Variants in GARS1 observed in about 807,000 individuals in gnomAD.
GARS1 encodes glycyl-tRNA synthetase 1, also known as glycine--tRNA ligase.
In GARS1, 46 loss-of-function variants were observed where a neutral mutation model predicts 86.4. The ratio of observed to expected loss-of-function variants is 0.53; its 90% CI spans 0.42 to 0.68. The LOEUF is 0.68. Among genes scored for constraint, GARS1 ranks in the 30% least tolerant of loss-of-function variants. The probability of loss-of-function intolerance (pLI) is 0.00; values close to 1 mark genes in which losing one functional copy is unlikely to be tolerated. For synonymous variants in GARS1, 342 were observed against 329.8 expected, an observed-to-expected ratio of 1.04 and a Z score of -0.40; for missense variants, 797 against 915.6, an observed-to-expected ratio of 0.87 and a Z score of 1.67.
At chr7:30,599,715 G>A (rs1347421676) in intron 2 of GARS1, among the ~76,000 whole-genome samples, 2 of 151,984 alleles carry the variant, frequency 1.3e-5, no homozygotes, top group East Asian at 1.9e-4. Flanking sequence ...GCTTAGTCTT[G>A]TAATCTTGGA....
intron 14 of GARS1, 96 bp downstream of exon 14, chr7:30,628,765 A>C (rs763768894): frequency 1.2e-4 from 90 of 758,728 alleles, no homozygotes; most frequent in Non-Finnish European, 1.1e-4. Flanking sequence ...TAGAATGGTC[A>C]ATTAGTTATT....
At chr7:30,598,114 G>A (rs1247075244) in intron 1 of GARS1, among the ~76,000 whole-genome samples, 1 of 151,828 alleles carries the variant, frequency 6.6e-6, no homozygotes, top group Admixed American at 6.6e-5. Flanking sequence ...ATTTTTTTTT[G>A]TAAGCGAGAG....
At chr7:30,612,014 T>C in intron 7 of GARS1, 82 bp from the exon 8 acceptor site, 2 of 1,303,450 alleles carry the variant, frequency 1.5e-6, no homozygotes, top group East Asian at 2.3e-5. Flanking sequence ...TTAGGACTTT[T>C]AGGATTTGTA....
At chr7:30,606,305 CTT>C (rs35302357) in intron 6 of GARS1, among the ~76,000 whole-genome samples, 81 of 127,506 alleles carry the variant, frequency 6.4e-4, no homozygotes, top group African/African-American at 1.9e-3. Context: ...CATTGTTATT[CTT>C]TTTTTTTTTT....
chr7:30,626,266 T>C lies in GARS1; in HGVS notation c.1646T>C (p.Phe549Ser). The stretch of plus-strand genomic sequence containing the variant: ...ACAATTGAAACTGAAGGGAAAACAT[T>C]TCAGTTAACAAAAGACATGATCAAT... The part of the protein sequence containing the change: ...EFTIETEGKT[F>S]QLTKDMINVK... The change falls in exon 13 of 17, where the codon TTT (phenylalanine) becomes TCT (serine). Residue 549 changes from phenylalanine to serine, a missense_variant. Phe to Ser is a radical substitution (Grantham distance 155). Coordinates refer to ENST00000389266, the MANE Select transcript of GARS1 (RefSeq NM_002047.4). 6.2e-7 allele frequency: 1 copy of C among 1,608,636 alleles called. No homozygotes were observed. The highest frequency in any genetic ancestry group is 8.5e-7 in the Non-Finnish European group (1 of 1,175,138).
rs1421520067 is a variant in GARS1 at position 30,600,042 on chromosome 7, T to C, written c.420T>C (p.Ile140=). The stretch of plus-strand genomic sequence containing the variant: ...TTTTCTATGATCAAGCTTTTGCTAT[T>C]TATGGAGGTAAGGGATTAATGACAA... ...RRFFYDQAFA[I]YGGVSGLYDF... The change falls in exon 3 of 17, where the codon ATT becomes ATC. Residue 140 remains isoleucine, a synonymous_variant. Coordinates refer to ENST00000389266, the MANE Select transcript of GARS1 (RefSeq NM_002047.4). The C allele has an allele frequency of 6.2e-7, 1 of 1,608,438 alleles. No individual in the cohort carries two copies. The highest frequency in any genetic ancestry group is 2.2e-5 in the East Asian group (1 of 44,840).
At chr7:30,616,746 G>A (rs572213256) in intron 9 of GARS1, among the ~76,000 whole-genome samples, 8 of 152,240 alleles carry the variant, frequency 5.3e-5, no homozygotes, top group African/African-American at 1.4e-4. Context: ...TCCCCTCAAC[G>A]TGTCATTACT....
rs745484970 is a variant in GARS1 at position 30,600,081 on chromosome 7, G to C, written c.427+32G>C. ...GATTAATGACAAAAAGAACTATTGT[G>C]TTGTTAGTGGCTCTAATATTATACT... On this transcript the variant is annotated intron_variant, in intron 3 of 16. Transcript: ENST00000389266. 3 of 1,421,802 alleles carry C rather than the reference G, an allele frequency of 2.1e-6. No homozygotes were observed. The African/African-American group carries it at 4.2e-5, about 20-fold the overall frequency. 88.1% of individuals were successfully genotyped at this position (1,421,802 alleles called of 1,614,324 possible). A position where few individuals can be genotyped will look rare whatever the true frequency, so the allele number is the denominator to read the frequency against.
chr7:30,607,781 C>G (rs1035489958), intron 6 of GARS1, among the ~76,000 whole-genome samples: 15 of 152,274 alleles, frequency 9.9e-5, no homozygotes, highest in African/African-American at 3.6e-4. Context: ...TATATTTAGT[C>G]TACTATCTTT....
intron 3 of GARS1, 63 bp from the exon 4 acceptor site, chr7:30,600,996 T>G (rs1791363367): frequency 5.3e-6 from 8 of 1,504,456 alleles, no homozygotes; most frequent in Non-Finnish European, 2.8e-6. Context: ...TTCTCATGTC[T>G]CCTTGCCTTC....
At chr7:30,600,825 A>G (rs1562771718) in intron 3 of GARS1, among the ~76,000 whole-genome samples, 1 of 152,162 alleles carries the variant, frequency 6.6e-6, no homozygotes, top group African/African-American at 2.4e-5. Context: ...TTTGTTGTAG[A>G]TTTTGGGCTA....
chr7:30,617,303 T>G, intron 10 of GARS1, 25 bp downstream of exon 10: 1 of 1,611,866 alleles, frequency 6.2e-7, no homozygotes, highest in Non-Finnish European at 8.5e-7. Flanking sequence ...GTTTACCATG[T>G]GATTTTCACA....
chr7:30,616,364 G>T (rs1362374839), intron 9 of GARS1, among the ~76,000 whole-genome samples: 1 of 152,184 alleles, frequency 6.6e-6, no homozygotes. Flanking sequence ...CTACTTTGGG[G>T]GAGACAGCAT....
chr7:30,615,981 C>T lies in GARS1; in HGVS notation c.1117C>T (p.Leu373Phe). 1.2e-6 allele frequency: 2 copies of T among 1,614,164 alleles called. No homozygotes were observed. The highest frequency in any genetic ancestry group is 8.5e-7 in the Non-Finnish European group (1 of 1,180,036). The change falls in exon 9 of 17, where the codon CTT becomes TTT. Residue 373 changes from leucine to phenylalanine, a missense_variant. Physicochemically the swap from Leu to Phe is conservative, Grantham distance 22. Transcript: ENST00000389266. Reference sequence around the variant, plus strand: ...GTTCCAGAATGTGGCAGACCTTCACCTTTATTTGTATTCAGCAAAAGCCCA... The same window carrying T: ...GTTCCAGAATGTGGCAGACCTTCACTTTTATTTGTATTCAGCAAAAGCCCA... Reference protein sequence around the residue: ...PKFQNVADLHLYLYSAKAQVS... With the variant: ...PKFQNVADLHFYLYSAKAQVS...
At chr7:30,612,003 T>A (rs1049598604) in intron 7 of GARS1, 93 bp from the exon 8 acceptor site, 1 of 1,171,714 alleles carries the variant, frequency 8.5e-7, no homozygotes, top group Non-Finnish European at 1.3e-6. Flanking sequence ...AAATGGTATA[T>A]TTAGGACTTT....
intron 10 of GARS1, among the ~76,000 whole-genome samples, chr7:30,619,398 T>TA (rs1782952609): frequency 6.6e-6 from 1 of 152,142 alleles, no homozygotes; most frequent in Non-Finnish European, 1.5e-5. Context: ...ATTTTTTTAA[T>TA]AAAAAAATTT....
In GARS1 at chr7:30,632,695, G is replaced by A. The variant is rs570258724; in HGVS notation, c.2094+258G>A. ...TCTCCAGCAGTTTGCTTTTATACTT[G>A]TTTGTTTATTGGGCAAGAGAAATAT... On this transcript the variant is annotated intron_variant, in intron 16 of 16. Transcript: ENST00000389266. The surrounding 1 kb of genome is among the most constrained non-coding windows in gnomAD (Gnocchi z 4.1). Among the ~76,000 whole-genome samples the A allele has an allele frequency of 4.5e-4, 69 of 152,042 alleles. No homozygotes were observed. The highest frequency in any genetic ancestry group is 1.5e-3 in the African/African-American group (61 of 41,394).
intron 12 of GARS1, among the ~76,000 whole-genome samples, chr7:30,625,191 A>G (rs560533811): frequency 6.9e-4 from 105 of 152,224 alleles, no homozygotes; most frequent in African/African-American, 2.5e-3. Flanking sequence ...TGATCCACCT[A>G]CCTTGACCTC....
rs768987322 is a variant in GARS1, at chr7:30,603,111, A to G, written c.647A>G (p.His216Arg). ...AATGGAGAATGTTTTCGTGCTGACC[A>G]TCTATTAAAAGGTGAGGTTCTTCAT... Reference protein sequence around the residue: ...VKNGECFRADHLLKAHLQKLM... With the variant: ...VKNGECFRADRLLKAHLQKLM... The change falls in exon 5 of 17, where the codon CAT (histidine) becomes CGT (arginine). Residue 216 changes from histidine to arginine, a missense_variant. By Grantham distance (29) the His-to-Arg change is conservative (BLOSUM62 0). Transcript: ENST00000389266. The G allele has an allele frequency of 3.1e-6, 5 of 1,613,386 alleles. No individual in the cohort carries two copies. The highest frequency in any genetic ancestry group is 1.1e-5 in the South Asian group (1 of 91,070).
Sources: gnomAD v4.1 joint callset for allele counts (sites outside exome capture counted in the v4.1 genomes callset) on GRCh38, gnomAD v4.1.1 for gene constraint, Gnocchi (gnomAD v3.1) non-coding constraint, MANE v1.5 for transcripts, NCBI Gene and HGNC (gene_info 2026-07-23, HGNC 2026-07-21) for gene names.